DYNC2LI1: variants seen among roughly 807,000 people sequenced by gnomAD.
DYNC2LI1 encodes dynein cytoplasmic 2 light intermediate chain 1, also known as cytoplasmic dynein 2 light intermediate chain 1.
A neutral mutation model predicts 51.9 loss-of-function variants in DYNC2LI1; 45 were observed. The ratio of observed to expected loss-of-function variants is 0.87; its 90% CI spans 0.68 to 1.11. The LOEUF is 1.11. Among genes scored for constraint, DYNC2LI1 ranks in the 50% most tolerant of loss-of-function variants. The probability of loss-of-function intolerance (pLI) is 0.00; values close to 1 mark genes in which losing one functional copy is unlikely to be tolerated. For missense variants in DYNC2LI1, 490 were observed against 417.4 expected (o/e 1.17, Z -1.51); for synonymous variants, 130 against 137.8 (o/e 0.94, Z 0.40).
intron 8 of DYNC2LI1, among the ~76,000 whole-genome samples, chr2:43,797,380 A>C (rs959765950): frequency 6.6e-6 from 1 of 152,170 alleles, no homozygotes; most frequent in Non-Finnish European, 1.5e-5. Context: ...GAGGGAGTAC[A>C]TGTGAAATGC....
chr2:43,776,707 A>T, intron 1 of DYNC2LI1, 75 bp from the exon 2 acceptor site: 1 of 698,006 alleles, frequency 1.4e-6, no homozygotes, highest in Non-Finnish European at 2.4e-6. Flanking sequence ...CTGAAATAAA[A>T]TTTCTCTGAG....
intron 1 of DYNC2LI1, among the ~76,000 whole-genome samples, chr2:43,775,517 G>C (rs539753636): frequency 9.3e-5 from 14 of 151,258 alleles, no homozygotes; most frequent in Admixed American, 2.0e-4. Context: ...TTGGCGGGGG[G>C]AGACAAGGTC....
chr2:43,794,479 C>T lies in DYNC2LI1; in HGVS notation c.343C>T (p.Leu115=). The change falls in exon 6 of 13, where the codon CTG becomes TTG. Residue 115 remains leucine, a synonymous_variant. Transcript: ENST00000260605. The stretch of plus-strand genomic sequence containing the variant: ...TAGGACGTTTTCTCTTGTTCTCGTT[C>T]TGGATCTTTCAAAACCTAATGATCT... ...TLRTFSLVLV[L]DLSKPNDLWP... The T allele has an allele frequency of 6.2e-7, 1 of 1,612,916 alleles. No individual in the cohort carries two copies. The highest frequency in any genetic ancestry group is 1.7e-4 in the Middle Eastern group (1 of 6,052).
intron 5 of DYNC2LI1, among the ~76,000 whole-genome samples, chr2:43,790,497 C>A (rs1217658308): frequency 6.6e-6 from 1 of 151,508 alleles, no homozygotes; most frequent in Non-Finnish European, 1.5e-5. Flanking sequence ...GTTAATGGGA[C>A]CGTTGTTTTT....
Position 43,789,768 on chromosome 2 carries a change from C to T in DYNC2LI1, c.320+47C>T, listed in dbSNP as rs143193320. 248 of 1,528,890 alleles carry T rather than the reference C, an allele frequency of 1.6e-4. 3 individuals carry two copies. In the African/African-American group the frequency reaches 3.0e-3, roughly 18 times the overall value. 94.7% of individuals were successfully genotyped at this position (1,528,890 alleles called of 1,614,324 possible). On this transcript the variant is annotated intron_variant, in intron 5 of 12. Coordinates refer to ENST00000260605, the MANE Select transcript of DYNC2LI1 (RefSeq NM_016008.4). Reference sequence around the variant, plus strand: ...AAACCTGTAAGTACACAGGAGTGTCCCTAGGAGGAATATGAGTTGGCTTTT... The same window carrying T: ...AAACCTGTAAGTACACAGGAGTGTCTCTAGGAGGAATATGAGTTGGCTTTT...
chr2:43,778,136 C>G (rs549355832), intron 2 of DYNC2LI1, among the ~76,000 whole-genome samples: 45 of 151,870 alleles, frequency 3.0e-4, no homozygotes, highest in African/African-American at 9.9e-4. Flanking sequence ...AATTTTAACC[C>G]AACTATATAA....
At position 43,809,649 on chromosome 2, in the gene DYNC2LI1, C is replaced by A. The variant is rs372658365; in HGVS notation, c.994-56C>A. 3.7e-5 allele frequency: 46 copies of A among 1,259,144 alleles called. 1 individual carries two copies. The highest frequency in any genetic ancestry group is 3.5e-4 in the East Asian group (15 of 42,636). 78.0% of individuals were successfully genotyped at this position (1,259,144 alleles called of 1,614,324 possible). On this transcript the variant is annotated intron_variant, in intron 12 of 12. Transcript: ENST00000260605. ...AAAATGAGAAGGCAGTTTTAAGGTG[C>A]CTCCTTGAATTAGTAAAGTTGATTT...
At chr2:43,786,761 G>A (rs1450304914) in intron 3 of DYNC2LI1, among the ~76,000 whole-genome samples, 1 of 152,172 alleles carries the variant, frequency 6.6e-6, no homozygotes, top group African/African-American at 2.4e-5. Context: ...AGGAGGCGGA[G>A]CTTGCAGTGA....
chr2:43,822,473 CCCAGG>C, the DYNC2LI1 span: 5 of 671,864 alleles, frequency 7.4e-6, no homozygotes, highest in Non-Finnish European at 8.8e-6. Context: ...TCTCCCCTCC[CCCAGG>C]CCCCCCCCCA....
chr2:43,776,464 C>G (rs1363061887), intron 1 of DYNC2LI1, among the ~76,000 whole-genome samples: 1 of 152,160 alleles, frequency 6.6e-6, no homozygotes, highest in Non-Finnish European at 1.5e-5. Context: ...AGTCATTGTA[C>G]CTCCATATGT....
In DYNC2LI1 at chr2:43,800,063, A is replaced by G. The variant is rs74882286; in HGVS notation, c.655-778A>G. On this transcript the variant is annotated intron_variant, in intron 8 of 12. Coordinates refer to ENST00000260605, the MANE Select transcript of DYNC2LI1 (RefSeq NM_016008.4). ...CACAATTAGATTTCATTTCAGTTCA[A>G]AGTTGTTTTTCCCACTTCCATACCT... 3.6e-3 allele frequency among the ~76,000 whole-genome samples: 552 copies of G among 152,272 alleles called. 4 individuals carry two copies. The highest frequency in any genetic ancestry group is 0.013 in the African/African-American group (528 of 41,558).
chr2:43,789,972 CA>C (rs1168212193), intron 5 of DYNC2LI1, among the ~76,000 whole-genome samples: 1 of 152,142 alleles, frequency 6.6e-6, no homozygotes, highest in Non-Finnish European at 1.5e-5. Flanking sequence ...TGAAAACAAA[CA>C]AACAAAAATA....
chr2:43,793,695 C>G (rs1051562454), intron 5 of DYNC2LI1: 12 of 151,702 alleles, frequency 7.9e-5, no homozygotes, highest in African/African-American at 2.2e-4. Context: ...CCTGCCTCAG[C>G]TTCCCAAAGC....
At chr2:43,814,998 A>G (rs1389893816), downstream of DYNC2LI1, among the ~76,000 whole-genome samples, 2 of 152,326 alleles carry the variant, frequency 1.3e-5, no homozygotes, top group Middle Eastern at 3.4e-3. Flanking sequence ...AGTTCTCTCA[A>G]GTAGACGATT....
chr2:43,822,894 C>T, the DYNC2LI1 span: 198 of 1,614,072 alleles, frequency 1.2e-4, 1 homozygote, highest in South Asian at 1.9e-3. Flanking sequence ...TGGTAGAGGC[C>T]GTCCTGACTC....
chr2:43,774,429 G>A (rs1042451550), intron 1 of DYNC2LI1, among the ~76,000 whole-genome samples: 1 of 152,198 alleles, frequency 6.6e-6, no homozygotes, highest in African/African-American at 2.4e-5. Context: ...GACTACTTCC[G>A]GAGCAGGACA....
chr2:43,798,269 T>C (rs555230840), intron 8 of DYNC2LI1, among the ~76,000 whole-genome samples: 2 of 152,344 alleles, frequency 1.3e-5, no homozygotes, highest in East Asian at 3.9e-4. Context: ...ACAAAATATG[T>C]ATTGTCAGTT....
downstream of DYNC2LI1, among the ~76,000 whole-genome samples, chr2:43,811,558 G>A (rs10180615): frequency 6.6e-6 from 1 of 151,844 alleles, no homozygotes; most frequent in South Asian, 2.1e-4. Context: ...GGAATTACTT[G>A]AAGATCAATC....
At chr2:43,792,209 G>A (rs1392665922) in intron 5 of DYNC2LI1, among the ~76,000 whole-genome samples, 4 of 151,958 alleles carry the variant, frequency 2.6e-5, no homozygotes, top group Non-Finnish European at 5.9e-5. Flanking sequence ...CAATGTAATA[G>A]CACAATAATT....
Sources: allele counts gnomAD v4.1 joint callset (sites outside exome capture counted in the v4.1 genomes callset), GRCh38; gene constraint gnomAD v4.1.1; transcripts MANE v1.5; gene names NCBI Gene and HGNC (gene_info 2026-07-23, HGNC 2026-07-21).